UBE3B: variants seen among roughly 807,000 people sequenced by gnomAD.
The protein encoded by UBE3B is ubiquitin-protein ligase E3B.
A neutral mutation model predicts 132.3 loss-of-function variants in UBE3B; 80 were observed. The observed-to-expected ratio is 0.60, with a 90% CI of 0.50 to 0.73. The LOEUF (loss-of-function observed/expected upper bound fraction) is 0.73, where lower values mean the gene tolerates loss of function less well. Ranked by LOEUF, UBE3B falls within the 30% of genes least tolerant of loss-of-function variation. The probability of loss-of-function intolerance (pLI) is 0.00; values close to 1 mark genes in which losing one functional copy is unlikely to be tolerated. For missense variants in UBE3B, 1,196 were observed against 1,362.5 expected (o/e 0.88, Z 1.92); for synonymous variants, 487 against 520.4 (o/e 0.94, Z 0.87).
intron 9 of UBE3B, 200 bp downstream of exon 9, chr12:109,491,327 A>G: frequency 4.6e-6 from 2 of 434,384 alleles, no homozygotes; most frequent in Non-Finnish European, 8.1e-6. Context: ...ATATTTCTTA[A>G]TCTTCAGCCC....
intron 9 of UBE3B, among the ~76,000 whole-genome samples, chr12:109,492,967 A>T (rs1191509182): frequency 6.6e-6 from 1 of 152,234 alleles, no homozygotes. Context: ...CTCAGTAGCC[A>T]CATATAGCCA....
chr12:109,536,303 T>G lies in UBE3B; in HGVS notation c.*1521T>G, dbSNP rs1883429317. On this transcript the variant is annotated 3_prime_UTR_variant, in exon 28 of 28. Transcript: ENST00000342494. ...CACTTTCTCCAAACGCTCGGTTCCT[T>G]TGAAGATTTCTTCTGAACGTGTGTG... 1 of 152,292 alleles carries G rather than the reference T, an allele frequency of 6.6e-6. No homozygotes were observed. The highest frequency in any genetic ancestry group is 6.5e-5 in the Admixed American group (1 of 15,290). 9.4% of individuals were successfully genotyped at this position (152,292 alleles called of 1,614,324 possible).
At chr12:109,515,667 C>T (rs942718349) in intron 18 of UBE3B, among the ~76,000 whole-genome samples, 3 of 152,178 alleles carry the variant, frequency 2.0e-5, no homozygotes, top group African/African-American at 4.8e-5. Flanking sequence ...CTGTGCCCAG[C>T]TGTTACTGTT....
intron 21 of UBE3B, among the ~76,000 whole-genome samples, chr12:109,523,524 G>A (rs896758739): frequency 1.3e-5 from 2 of 152,214 alleles, no homozygotes; most frequent in African/African-American, 4.8e-5. Context: ...GCCTCACTTA[G>A]CTGGCTTTTC....
chr12:109,530,552 A>G lies in UBE3B; in HGVS notation c.2816A>G (p.His939Arg). 1 of 1,614,146 alleles carries G rather than the reference A, an allele frequency of 6.2e-7. No individual in the cohort carries two copies. The highest frequency in any genetic ancestry group is 8.5e-7 in the Non-Finnish European group (1 of 1,180,014). Residue 939 changes from histidine to arginine, a missense_variant, in exon 26 of 28, where the codon CAC (histidine) becomes CGC (arginine). Transcript: ENST00000342494. The part of the protein sequence containing the change: ...AEIDLEDLKK[H>R]TVYYGGFHGS... Reference sequence around the variant, plus strand: ...CAGGTCTGTATTGCTTTCAGGAAGCACACAGTCTACTACGGTGGTTTCCAT... The same window carrying G: ...CAGGTCTGTATTGCTTTCAGGAAGCGCACAGTCTACTACGGTGGTTTCCAT...
rs1164076568 is a variant in UBE3B at position 109,478,046 on chromosome 12, C to G, written c.-191C>G. 2 of 152,696 alleles carry G rather than the reference C, an allele frequency of 1.3e-5. No homozygotes were observed. Among genetic ancestry groups the G allele is most frequent in the South Asian group, 2.0e-4 (1 of 4,916 alleles). 9.5% of individuals were successfully genotyped at this position (152,696 alleles called of 1,614,324 possible). A position where few individuals can be genotyped will look rare whatever the true frequency, so the allele number is the denominator to read the frequency against. On this transcript the variant is annotated 5_prime_UTR_variant, in exon 1 of 28. Transcript: ENST00000342494. ...TGTGGTTGTTGATGCCGAGGAAAGACTCTGGGCCCCAGGACTCACCTAAAC... is the reference window on the plus strand; with the variant it reads ...TGTGGTTGTTGATGCCGAGGAAAGAGTCTGGGCCCCAGGACTCACCTAAAC...
Position 109,483,548 on chromosome 12 carries a change from A to G in UBE3B, c.-4A>G. ...CCTTGCAGGGTTTGTGCAAGTTTGC[A>G]AACATGTTCACCCTGTCTCAGACCT... On this transcript the variant is annotated 5_prime_UTR_variant, in exon 3 of 28. Coordinates refer to ENST00000342494, the MANE Select transcript of UBE3B (RefSeq NM_130466.4). The G allele has an allele frequency of 6.4e-7, 1 of 1,557,156 alleles. No individual in the cohort carries two copies.
In UBE3B at chr12:109,534,863, T is replaced by C; in HGVS notation, c.*81T>C. ...CAGAGGCAGTGTGGTCCTGGGAATG[T>C]GACCAACATGCCAGGTGACATTGGC... On this transcript the variant is annotated 3_prime_UTR_variant, in exon 28 of 28. Coordinates refer to ENST00000342494, the MANE Select transcript of UBE3B (RefSeq NM_130466.4). This position sits in a 1 kb window ranked among gnomAD's most constrained non-coding sequence, Gnocchi z 5.2. 1 of 1,231,730 alleles carries C rather than the reference T, an allele frequency of 8.1e-7. No homozygotes were observed. Among genetic ancestry groups the C allele is most frequent in the Non-Finnish European group, 1.1e-6 (1 of 899,850 alleles). The allele number at this position is 1,231,730 out of a possible 1,614,324, so 76.3% of individuals were successfully genotyped here.
At chr12:109,543,171 GA>G in the UBE3B span, among the ~76,000 whole-genome samples, 2 of 152,248 alleles carry the variant, frequency 1.3e-5, no homozygotes, top group African/African-American at 4.8e-5. Flanking sequence ...CAGGCCTCGG[GA>G]AATACAGAAG....
rs1163982698 is a variant in UBE3B, at chr12:109,534,595, C to T, written c.3020C>T (p.Thr1007Ile). The T allele has an allele frequency of 5.0e-6, 8 of 1,609,058 alleles. No homozygotes were observed. The highest frequency in any genetic ancestry group is 1.3e-5 in the African/African-American group (1 of 74,692). The change falls in exon 28 of 28, where the codon ACC (threonine) becomes ATC (isoleucine). Residue 1007 changes from threonine (T) to isoleucine (I), a missense_variant. Coordinates refer to ENST00000342494, the MANE Select transcript of UBE3B (RefSeq NM_130466.4). This position sits in a 1 kb window ranked among gnomAD's most constrained non-coding sequence, Gnocchi z 5.2. ...RCVEVSDDQD[T>I]GDTLGSVLRG... ...GGCCACGATGTGTGCCTTCAGGACACCGGGGACACTCTGGGCAGCGTCCTC... is the reference window on the plus strand; with the variant it reads ...GGCCACGATGTGTGCCTTCAGGACATCGGGGACACTCTGGGCAGCGTCCTC...
At chr12:109,544,731 G>T in the UBE3B span, among the ~76,000 whole-genome samples, 1 of 152,190 alleles carries the variant, frequency 6.6e-6, no homozygotes, top group Non-Finnish European at 1.5e-5. Flanking sequence ...TCAGCTGTGG[G>T]AGCTCCTGGT....
Position 109,534,661 on chromosome 12 carries a change from G to A in UBE3B, c.3086G>A (p.Arg1029His), listed in dbSNP as rs200389976. 15 of 1,611,478 alleles carry A rather than the reference G, an allele frequency of 9.3e-6. No individual in the cohort carries two copies. The East Asian group carries it at 1.1e-4, about 12-fold the overall frequency. ...ATCCGCAAGCGGGAGCCAGGCGGCC[G>A]CCTGCCCACCTCCTCCACCTGCTTC... ...FTIRKREPGG[R>H]LPTSSTCFNL... Residue 1029 changes from arginine (R) to histidine (H), a missense_variant, in exon 28 of 28, where the codon CGC becomes CAC. Transcript: ENST00000342494. This position sits in a 1 kb window ranked among gnomAD's most constrained non-coding sequence, Gnocchi z 5.2.
Position 109,511,297 on chromosome 12 carries a change from CA to C in UBE3B, c.1955del (p.Asn652ThrfsTer55), listed in dbSNP as rs775807411. Reference sequence around the variant, plus strand: ...AGTACATCCCACATGTCATCCCTCACAAAAACGTGAGTTGCACTCAGAGCTG... The same window carrying C: ...AGTACATCCCACATGTCATCCCTCACAAAACGTGAGTTGCACTCAGAGCTG... ...LQYIPHVIPH[K>X]NRVLLFRTMV... On this transcript the variant is annotated frameshift_variant, in exon 18 of 28. Coordinates refer to ENST00000342494, the MANE Select transcript of UBE3B (RefSeq NM_130466.4). LOFTEE classifies it high-confidence loss of function. 1 of 1,613,970 alleles carries C rather than the reference CA, an allele frequency of 6.2e-7. No individual in the cohort carries two copies. The highest frequency in any genetic ancestry group is 1.7e-5 in the Admixed American group (1 of 60,010).
At chr12:109,478,797 T>G (rs1223845134) in intron 1 of UBE3B, among the ~76,000 whole-genome samples, 1 of 152,168 alleles carries the variant, frequency 6.6e-6, no homozygotes, top group Non-Finnish European at 1.5e-5. Context: ...ACAAAGATTA[T>G]CGAGAACTGA....
At chr12:109,531,779 G>T (rs142826229) in intron 26 of UBE3B, among the ~76,000 whole-genome samples, 3 of 152,180 alleles carry the variant, frequency 2.0e-5, no homozygotes, top group African/African-American at 7.2e-5. Flanking sequence ...TCCCAGAAGT[G>T]CCTCATGGGC....
chr12:109,527,950 T>C (rs1476236517), intron 24 of UBE3B, among the ~76,000 whole-genome samples: 1 of 152,194 alleles, frequency 6.6e-6, no homozygotes, highest in African/African-American at 2.4e-5. Flanking sequence ...TGCCAGGTGT[T>C]GCAGCTTGGG....
At chr12:109,480,016 T>A (rs1875091111) in intron 1 of UBE3B, among the ~76,000 whole-genome samples, 1 of 152,112 alleles carries the variant, frequency 6.6e-6, no homozygotes, top group South Asian at 2.1e-4. Flanking sequence ...CTTGAATCTG[T>A]TACTCACTCT....
At chr12:109,542,865 A>G in the UBE3B span, among the ~76,000 whole-genome samples, 38 of 152,200 alleles carry the variant, frequency 2.5e-4, no homozygotes, top group Non-Finnish European at 5.4e-4. Context: ...CCCCGAGTTT[A>G]TGGTGCTTTG....
At chr12:109,508,399 G>A (rs987884797) in intron 15 of UBE3B, 27 of 480,206 alleles carry the variant, frequency 5.6e-5, no homozygotes, top group Admixed American at 1.9e-4. Flanking sequence ...AAAAAACAGC[G>A]TCAAATACTT....
Sources: gnomAD v4.1 joint callset for allele counts (sites outside exome capture counted in the v4.1 genomes callset) on GRCh38, gnomAD v4.1.1 for gene constraint, Gnocchi (gnomAD v3.1) non-coding constraint, MANE v1.5 for transcripts, NCBI Gene and HGNC (gene_info 2026-07-23, HGNC 2026-07-21) for gene names.